The following THSD7B variants were observed in gnomAD, a reference collection of about 807,000 sequenced individuals.
The protein encoded by THSD7B is thrombospondin type 1 domain containing 7B.
THSD7B carries 138 observed loss-of-function variants against 213.6 expected under a neutral mutation model. That is an observed-to-expected ratio of 0.65 (90% CI 0.56 to 0.74). THSD7B has a LOEUF of 0.74. THSD7B is among the 30% of genes least tolerant of loss of function. The pLI is 0.00. For missense variants in THSD7B, 1,931 were observed against 1,991.5 expected (o/e 0.97, Z 0.58); for synonymous variants, 742 against 687.0 (o/e 1.08, Z -1.25).
chr2:137,616,443 C>T (rs949357228), intron 18 of THSD7B, 127 bp downstream of exon 18: 21 of 760,258 alleles, frequency 2.8e-5, no homozygotes, highest in Non-Finnish European at 3.7e-5. Flanking sequence ...GCATAAAAGC[C>T]TGAGGACTTC....
At chr2:137,440,022 C>T (rs1218905604) in intron 14 of THSD7B, among the ~76,000 whole-genome samples, 1 of 152,112 alleles carries the variant, frequency 6.6e-6, no homozygotes, top group Non-Finnish European at 1.5e-5. Flanking sequence ...CTTCCATCTA[C>T]CTATCTCTAG....
At chr2:137,436,374 C>G (rs916837657) in intron 14 of THSD7B, among the ~76,000 whole-genome samples, 1 of 152,032 alleles carries the variant, frequency 6.6e-6, no homozygotes, top group African/African-American at 2.4e-5. Context: ...AATCAAGGAA[C>G]AGATAGGTTA....
intron 2 of THSD7B, among the ~76,000 whole-genome samples, chr2:136,926,277 T>A (rs567565711): frequency 6.0e-5 from 9 of 151,032 alleles, no homozygotes; most frequent in South Asian, 2.1e-4. Context: ...GTAGTTCTAC[T>A]TTTTTTTTAT....
At chr2:137,646,681 T>TAATAATAATAATAAAAAA (rs879335014) in intron 21 of THSD7B, among the ~76,000 whole-genome samples, 2 of 148,150 alleles carry the variant, frequency 1.3e-5, no homozygotes, top group Non-Finnish European at 3.0e-5. Flanking sequence ...ATAATAATAA[T>TAATAATAATAATAAAAAA]AAACACTTCA....
At chr2:137,574,752 G>T (rs1158240371) in intron 17 of THSD7B, among the ~76,000 whole-genome samples, 1 of 152,038 alleles carries the variant, frequency 6.6e-6, no homozygotes, top group Non-Finnish European at 1.5e-5. Flanking sequence ...TAGTTAAGTT[G>T]CAAGATCTTA....
chr2:136,874,601 T>C (rs1424499856), intron 1 of THSD7B, among the ~76,000 whole-genome samples: 1 of 152,230 alleles, frequency 6.6e-6, no homozygotes, highest in African/African-American at 2.4e-5. Context: ...CTTTTAAATA[T>C]TTAAGGGCTT....
intron 15 of THSD7B, among the ~76,000 whole-genome samples, chr2:137,486,828 G>A (rs1483903744): frequency 6.6e-6 from 1 of 152,136 alleles, no homozygotes; most frequent in Non-Finnish European, 1.5e-5. Context: ...TAGAACTCAG[G>A]ATTAAGAAAC....
At chr2:136,826,036 A>G (rs562494561) in intron 1 of THSD7B, among the ~76,000 whole-genome samples, 1 of 152,282 alleles carries the variant, frequency 6.6e-6, no homozygotes, top group East Asian at 1.9e-4. Flanking sequence ...TGGGAGGGGC[A>G]TTATTCTGCT....
At chr2:137,360,029 C>A (rs2104933148) in intron 12 of THSD7B, among the ~76,000 whole-genome samples, 1 of 152,242 alleles carries the variant, frequency 6.6e-6, no homozygotes, top group African/African-American at 2.4e-5. Context: ...ATTAAATGGG[C>A]AACTGCTATT....
Position 137,478,095 on chromosome 2 carries a change from G to A in THSD7B, c.3138+27072G>A, listed in dbSNP as rs540948430. On this transcript the variant is annotated intron_variant, in intron 15 of 27. Coordinates refer to ENST00000409968, the MANE Select transcript of THSD7B (RefSeq NM_001316349.2). The stretch of plus-strand genomic sequence containing the variant: ...AGATCTTTTTAATTATATCTATTTG[G>A]CATCTGTAAGCTTCCTCTATCTGGA... Among the ~76,000 whole-genome samples, 17 of 151,966 alleles carry A rather than the reference G, an allele frequency of 1.1e-4. No homozygotes were observed. In the South Asian group the frequency reaches 2.9e-3, roughly 26 times the overall value.
At chr2:136,986,694 C>T (rs1402164537) in intron 2 of THSD7B, among the ~76,000 whole-genome samples, 1 of 151,880 alleles carries the variant, frequency 6.6e-6, no homozygotes, top group East Asian at 1.9e-4. Context: ...GCTAGTGTTC[C>T]CATGATTTTT....
intron 2 of THSD7B, among the ~76,000 whole-genome samples, chr2:136,934,194 T>C (rs755298533): frequency 5.3e-5 from 8 of 152,214 alleles, no homozygotes; most frequent in Non-Finnish European, 7.4e-5. Flanking sequence ...GTAAATGACA[T>C]GAAAATTGAT....
intron 1 of THSD7B, among the ~76,000 whole-genome samples, chr2:136,825,734 T>TTTTTTTTTTTTTTTTG (rs1682637653): frequency 6.7e-6 from 1 of 148,698 alleles, no homozygotes; most frequent in Admixed American, 6.7e-5. Flanking sequence ...TTTTTTTTTT[T>TTTTTTTTTTTTTTTTG]AGATCTGGGG....
chr2:137,396,764 T>C (rs1396554008), intron 12 of THSD7B, among the ~76,000 whole-genome samples: 2 of 150,354 alleles, frequency 1.3e-5, no homozygotes, highest in African/African-American at 4.9e-5. Flanking sequence ...GACAGTGGGG[T>C]GTTAAAGTCT....
intron 2 of THSD7B, among the ~76,000 whole-genome samples, chr2:136,957,436 C>G (rs12691902): frequency 7.6e-6 from 1 of 131,788 alleles, no homozygotes; most frequent in Admixed American, 7.1e-5. Flanking sequence ...GCCAATACAA[C>G]GTTTTTTTTT....
chr2:136,993,247 G>C (rs755688546), intron 2 of THSD7B, among the ~76,000 whole-genome samples: 24 of 152,166 alleles, frequency 1.6e-4, no homozygotes, highest in Admixed American at 6.5e-5. Flanking sequence ...CATTTCTTAG[G>C]CATCTCCATT....
intron 26 of THSD7B, among the ~76,000 whole-genome samples, chr2:137,664,119 C>T (rs144014930): frequency 4.8e-4 from 73 of 152,280 alleles, no homozygotes; most frequent in African/African-American, 1.4e-3. Context: ...TCCCAAAGTG[C>T]TGGGATTACA....
At chr2:137,413,548 G>A (rs1686720655) in intron 14 of THSD7B, among the ~76,000 whole-genome samples, 1 of 152,208 alleles carries the variant, frequency 6.6e-6, no homozygotes, top group African/African-American at 2.4e-5. Flanking sequence ...TGAAAGGTAA[G>A]AAGGAGGCAG....
intron 1 of THSD7B, among the ~76,000 whole-genome samples, chr2:136,836,033 A>G (rs1401248045): frequency 6.6e-6 from 1 of 152,218 alleles, no homozygotes; most frequent in East Asian, 1.9e-4. Flanking sequence ...TAGAAAGGAG[A>G]TCATTGCGTG....
Sources: gnomAD v4.1 joint callset for allele counts (sites outside exome capture counted in the v4.1 genomes callset) on GRCh38, gnomAD v4.1.1 for gene constraint, MANE v1.5 for transcripts, NCBI Gene and HGNC (gene_info 2026-07-23, HGNC 2026-07-21) for gene names.